Variants in LRIG3 observed in about 807,000 individuals in gnomAD.
The protein encoded by LRIG3 is leucine-rich repeats and immunoglobulin-like domains protein 3.
Under a neutral mutation model 114.5 loss-of-function variants are expected in LRIG3, and 76 were observed. The observed-to-expected ratio is 0.66, with a 90% confidence interval of 0.55 to 0.80. The LOEUF (loss-of-function observed/expected upper bound fraction) is 0.80, where lower values mean the gene tolerates loss of function less well. Ranked by LOEUF, LRIG3 falls within the 30% of genes least tolerant of loss-of-function variation. The probability of loss-of-function intolerance (pLI) is 0.00; values close to 1 mark genes in which losing one functional copy is unlikely to be tolerated. For missense variants in LRIG3, 1,239 were observed against 1,382.8 expected, an observed-to-expected ratio of 0.90 and a Z score of 1.65; for synonymous variants, 512 against 519.8, an observed-to-expected ratio of 0.98 and a Z score of 0.20.
chr12:58,877,458 C>A lies in LRIG3; in HGVS notation c.2478G>T (p.Trp826Cys), dbSNP rs749966165. ...VCCVVGTSLVWVVIIYHTRRR... is the reference protein window; with the variant it reads ...VCCVVGTSLVCVVIIYHTRRR... The stretch of plus-strand genomic sequence containing the variant: ...GCCTTGTGTGGTATATGATGACCAC[C>A]CACACGAGTGACGTGCCCACCACAC... Residue 826 changes from tryptophan (W) to cysteine (C), a missense_variant, in exon 15 of 19, where the codon TGG (tryptophan) becomes TGT (cysteine). Coordinates refer to ENST00000320743, the MANE Select transcript of LRIG3 (RefSeq NM_153377.5). The A allele has an allele frequency of 6.2e-7, 1 of 1,614,118 alleles. No individual in the cohort carries two copies. The highest frequency in any genetic ancestry group is 1.1e-5 in the South Asian group (1 of 91,082).
chr12:58,886,675 G>C, intron 9 of LRIG3, 135 bp downstream of exon 9: 1 of 611,310 alleles, frequency 1.6e-6, no homozygotes, highest in Non-Finnish European at 2.8e-6. Context: ...CATTTGGGGA[G>C]AGGATCAAGG....
In LRIG3 at chr12:58,879,107, T is replaced by C; in HGVS notation, c.1802-2A>G. ...GGGTCTTGGTGAATGAGGGAAGCAC[T>C]GAAATCAGAGAAACAATATAGGCAT... is the stretch of plus-strand genomic sequence containing the variant. On this transcript the variant is annotated splice_acceptor_variant, in intron 13 of 18. Coordinates refer to ENST00000320743, the MANE Select transcript of LRIG3 (RefSeq NM_153377.5). LOFTEE classifies it high-confidence loss of function. 3 of 1,608,622 alleles carry C rather than the reference T, an allele frequency of 1.9e-6. No individual in the cohort carries two copies. The highest frequency in any genetic ancestry group is 2.5e-6 in the Non-Finnish European group (3 of 1,176,508).
intron 3 of LRIG3, among the ~76,000 whole-genome samples, chr12:58,907,800 C>T (rs1872122180): frequency 6.6e-6 from 1 of 152,098 alleles, no homozygotes; most frequent in African/African-American, 2.4e-5. Flanking sequence ...GCACAAGGGC[C>T]CGTGATTTCT....
Position 58,883,572 on chromosome 12 carries a change from T to C in LRIG3, c.1264A>G (p.Ile422Val). ...AATGCATTGCCTTGTAAAGACATGA[T>C]TGCGTTGTCACTCAGGTCTCTGAAA... The part of the protein sequence containing the change: ...LEHLDLSDNA[I>V]MSLQGNAFSQ... Residue 422 changes from isoleucine (I) to valine (V), a missense_variant, in exon 11 of 19, where the codon ATC (isoleucine) becomes GTC (valine). Physicochemically the swap from Ile to Val is conservative, Grantham distance 29. Coordinates refer to ENST00000320743, the MANE Select transcript of LRIG3 (RefSeq NM_153377.5). 3 of 1,549,656 alleles carry C rather than the reference T, an allele frequency of 1.9e-6. No individual in the cohort carries two copies. Among genetic ancestry groups the C allele is most frequent in the South Asian group, 1.2e-5 (1 of 81,624 alleles).
At chr12:58,909,034 A>G (rs1228007326) in intron 3 of LRIG3, among the ~76,000 whole-genome samples, 3 of 152,168 alleles carry the variant, frequency 2.0e-5, no homozygotes, top group Non-Finnish European at 4.4e-5. Flanking sequence ...AGAAACACAC[A>G]CAACTCCCTC....
At chr12:58,888,129 T>C (rs1871336230) in intron 7 of LRIG3, among the ~76,000 whole-genome samples, 197 bp from the exon 8 acceptor site, 1 of 152,188 alleles carries the variant, frequency 6.6e-6, no homozygotes, top group African/African-American at 2.4e-5. Flanking sequence ...CCATCATTGC[T>C]TTTGCCAACG....
At chr12:58,876,233 A>C (rs959798457) in intron 16 of LRIG3, among the ~76,000 whole-genome samples, 7 of 152,156 alleles carry the variant, frequency 4.6e-5, no homozygotes, top group African/African-American at 1.7e-4. Context: ...TAAACCTACT[A>C]GTCTTTTTTT....
At chr12:58,907,866 T>C (rs1438573617) in intron 3 of LRIG3, among the ~76,000 whole-genome samples, 1 of 152,150 alleles carries the variant, frequency 6.6e-6, no homozygotes, top group African/African-American at 2.4e-5. Flanking sequence ...TGTAGTGGGC[T>C]GAGGGGATTG....
chr12:58,895,526 G>C (rs183687662), intron 3 of LRIG3, among the ~76,000 whole-genome samples: 1 of 152,192 alleles, frequency 6.6e-6, no homozygotes, highest in Non-Finnish European at 1.5e-5. Context: ...CAGAGTGCAC[G>C]GGTGGAGAGT....
At chr12:58,874,679 C>T in intron 16 of LRIG3, 106 bp from the exon 17 acceptor site, 9 of 1,444,820 alleles carry the variant, frequency 6.2e-6, no homozygotes, top group Non-Finnish European at 8.4e-6. Context: ...TTGACTAGAA[C>T]ATCATATAGA....
chr12:58,887,923 A>C lies in LRIG3; in HGVS notation c.957T>G (p.Thr319=). 6.2e-7 allele frequency: 1 copy of C among 1,610,770 alleles called. No homozygotes were observed. Among genetic ancestry groups the C allele is most frequent in the Non-Finnish European group, 8.5e-7 (1 of 1,178,768 alleles). The change falls in exon 8 of 19, where the codon ACT becomes ACG. Residue 319 remains threonine, a synonymous_variant. Coordinates refer to ENST00000320743, the MANE Select transcript of LRIG3 (RefSeq NM_153377.5). Reference sequence around the variant, plus strand: ...CATCTAACCTTGATAAGTGATTGAAAGTTAGGTCCCTGTAAAGAAAAAAGA... The same window carrying C: ...CATCTAACCTTGATAAGTGATTGAACGTTAGGTCCCTGTAAAGAAAAAAGA... The part of the protein sequence containing the change: ...FCQKLSELDL[T]FNHLSRLDDS...
intron 1 of LRIG3, among the ~76,000 whole-genome samples, chr12:58,918,491 T>C (rs1424490603): frequency 2.0e-5 from 3 of 152,218 alleles, no homozygotes; most frequent in African/African-American, 7.2e-5. Context: ...ATTGAAAAAC[T>C]ATCGAATACA....
chr12:58,875,550 C>T (rs1870887568), intron 16 of LRIG3, among the ~76,000 whole-genome samples: 1 of 152,200 alleles, frequency 6.6e-6, no homozygotes, highest in Non-Finnish European at 1.5e-5. Context: ...TTGCTGAGCC[C>T]TTAATATGTG....
At position 58,872,764 on chromosome 12, in the gene LRIG3, A is replaced by C; in HGVS notation, c.3168T>G (p.Phe1056Leu). ...TTGGCTGACAATCTGATGGCTGTCC[A>C]AAGCTTGAATAGGCATCTAGGTGAG... is the stretch of plus-strand genomic sequence containing the variant. ...RRPHLDAYSS[F>L]GQPSDCQPRA... Residue 1056 changes from phenylalanine to leucine, a missense_variant, in exon 19 of 19, where the codon TTT (phenylalanine) becomes TTG (leucine). Physicochemically the swap from Phe to Leu is conservative, Grantham distance 22. Coordinates refer to ENST00000320743, the MANE Select transcript of LRIG3 (RefSeq NM_153377.5). 1 of 1,614,106 alleles carries C rather than the reference A, an allele frequency of 6.2e-7. No homozygotes were observed. Among genetic ancestry groups the C allele is most frequent in the Middle Eastern group, 1.6e-4 (1 of 6,062 alleles).
At position 58,887,749 on chromosome 12, in the gene LRIG3, C is replaced by G. The variant is rs754218906; in HGVS notation, c.1091+40G>C. 16 of 1,598,040 alleles carry G rather than the reference C, an allele frequency of 1.0e-5. No individual in the cohort carries two copies. The South Asian group carries it at 1.7e-4, about 17-fold the overall frequency. ...GAGAAAAGTGGGCATATTTAGGAAC[C>G]AATTACGTTCGAGTACTGACAGCAA... On this transcript the variant is annotated intron_variant, in intron 8 of 18. Coordinates refer to ENST00000320743, the MANE Select transcript of LRIG3 (RefSeq NM_153377.5).
chr12:58,890,269 G>A, intron 4 of LRIG3, 130 bp from the exon 5 acceptor site: 1 of 963,710 alleles, frequency 1.0e-6, no homozygotes, highest in Non-Finnish European at 1.5e-6. Flanking sequence ...TTACTTTTTA[G>A]GTCCTCAAGG....
chr12:58,881,221 C>A (rs1304379061), intron 12 of LRIG3, among the ~76,000 whole-genome samples: 1 of 152,142 alleles, frequency 6.6e-6, no homozygotes, highest in East Asian at 1.9e-4. Flanking sequence ...AAGAAGAAAG[C>A]AGTTTAAAAA....
intron 1 of LRIG3, among the ~76,000 whole-genome samples, chr12:58,917,538 A>AT (rs989679250): frequency 6.6e-6 from 1 of 152,134 alleles, no homozygotes; most frequent in African/African-American, 2.4e-5. Flanking sequence ...ATTAGAGGTT[A>AT]TTTTCTAAAA....
In LRIG3 at chr12:58,906,951, T is replaced by TAA. The variant is rs77233148; in HGVS notation, c.383+7029_383+7030dup. Among the ~76,000 whole-genome samples, 1,206 of 132,762 alleles carry TAA rather than the reference T, an allele frequency of 9.1e-3. 17 individuals carry two copies. The highest frequency in any genetic ancestry group is 0.031 in the African/African-American group (1,139 of 36,180). 87.1% of individuals were successfully genotyped at this position (132,762 alleles called of 152,430 possible). A position where few individuals can be genotyped will look rare whatever the true frequency, so the allele number is the denominator to read the frequency against. On this transcript the variant is annotated intron_variant, in intron 3 of 18. Coordinates refer to ENST00000320743, the MANE Select transcript of LRIG3 (RefSeq NM_153377.5). ...ACTGTAGTCATTTTATTCCCCTGCT[T>TAA]AAAAAAAAAAAAAAAAGTCTTCAAT...
Sources: allele counts gnomAD v4.1 joint callset (sites outside exome capture counted in the v4.1 genomes callset), GRCh38; gene constraint gnomAD v4.1.1; transcripts MANE v1.5; gene names NCBI Gene and HGNC (gene_info 2026-07-23, HGNC 2026-07-21).